The following GABRB3 variants were observed in gnomAD, a reference collection of about 807,000 sequenced individuals.
GABRB3 encodes gamma-aminobutyric acid type A receptor subunit beta3, also known as gamma-aminobutyric acid receptor subunit beta-3.
Under a neutral mutation model 52.1 loss-of-function variants are expected in GABRB3, and 14 were observed. The ratio of observed to expected loss-of-function variants is 0.27; its 90% CI spans 0.18 to 0.42. GABRB3 has a LOEUF of 0.42. GABRB3 is among the 10% of genes least tolerant of loss of function. The probability of loss-of-function intolerance (pLI) is 1.00; values close to 1 mark genes in which losing one functional copy is unlikely to be tolerated. For missense variants in GABRB3, 307 were observed against 609.1 expected, an observed-to-expected ratio of 0.50 and a Z score of 5.22; for synonymous variants, 260 against 232.3, an observed-to-expected ratio of 1.12 and a Z score of -1.08.
chr15:26,739,356 A>G (rs575308539), intron 3 of GABRB3, among the ~76,000 whole-genome samples: 1 of 152,114 alleles, frequency 6.6e-6, no homozygotes, highest in Non-Finnish European at 1.5e-5. Flanking sequence ...AGTAGAAGGA[A>G]TAGTTAACTT....
intron 3 of GABRB3, among the ~76,000 whole-genome samples, chr15:26,757,328 T>C (rs577255825): frequency 2.6e-5 from 4 of 152,260 alleles, no homozygotes; most frequent in Non-Finnish European, 5.9e-5. Context: ...CCCTAGGAGC[T>C]GTAATTATTC....
At chr15:26,613,735 A>T (rs1442462528) in intron 4 of GABRB3, 1 of 152,174 alleles carries the variant, frequency 6.6e-6, no homozygotes, top group Non-Finnish European at 1.5e-5. Flanking sequence ...TGAGTCAATA[A>T]GTAAGAAATG....
intron 3 of GABRB3, among the ~76,000 whole-genome samples, chr15:26,727,727 C>T (rs1473469570): frequency 3.3e-5 from 5 of 152,198 alleles, no homozygotes; most frequent in African/African-American, 1.2e-4. Context: ...CACACAGCCA[C>T]ATCCATTTCT....
chr15:26,609,833 A>G (rs1892001132), intron 4 of GABRB3, among the ~76,000 whole-genome samples: 2 of 152,346 alleles, frequency 1.3e-5, no homozygotes, highest in Non-Finnish European at 2.9e-5. Context: ...CTAGATAAAT[A>G]CGTTAACTCA....
chr15:26,686,429 G>A (rs1841997675), intron 3 of GABRB3, among the ~76,000 whole-genome samples: 1 of 152,274 alleles, frequency 6.6e-6, no homozygotes, highest in South Asian at 2.1e-4. Flanking sequence ...CTCACAAAGT[G>A]ATACTGATAA....
At chr15:26,626,276 C>T (rs1046660023) in intron 3 of GABRB3, among the ~76,000 whole-genome samples, 2 of 152,118 alleles carry the variant, frequency 1.3e-5, no homozygotes, top group Non-Finnish European at 2.9e-5. Flanking sequence ...TACCAACTGA[C>T]CCTTAACCCT....
At chr15:26,739,177 TC>T (rs1011061465) in intron 3 of GABRB3, among the ~76,000 whole-genome samples, 32 of 152,080 alleles carry the variant, frequency 2.1e-4, no homozygotes, top group African/African-American at 7.2e-4. Context: ...CTGTCCAGCC[TC>T]GCCCAGCCCA....
At chr15:26,590,920 T>TG (rs1891178121) in intron 4 of GABRB3, among the ~76,000 whole-genome samples, 1 of 152,214 alleles carries the variant, frequency 6.6e-6, no homozygotes, top group African/African-American at 2.4e-5. Context: ...AGTGACCACG[T>TG]GCCAGCCCCA....
upstream of GABRB3, chr15:26,773,717 G>A: frequency 6.4e-7 from 1 of 1,567,926 alleles, no homozygotes; most frequent in Non-Finnish European, 8.6e-7. Flanking sequence ...CAGGAGCCCG[G>A]AGCACATGGC....
rs1266364638 is a variant in GABRB3, at chr15:26,544,934, C to T, written c.*2859G>A. ...GAGGTCCGGGTTCAGAATTCCTCAA[C>T]GCGACTCAGTCACTGGCTCAAATAA... is the stretch of plus-strand genomic sequence containing the variant. On this transcript the variant is annotated 3_prime_UTR_variant, in exon 9 of 9. Coordinates refer to ENST00000311550, the MANE Select transcript of GABRB3 (RefSeq NM_000814.6). 2 of 152,572 alleles carry T rather than the reference C, an allele frequency of 1.3e-5. No individual in the cohort carries two copies. Among genetic ancestry groups the T allele is most frequent in the Admixed American group, 6.5e-5 (1 of 15,276 alleles). 9.5% of individuals were successfully genotyped at this position (152,572 alleles called of 1,614,324 possible). A position where few individuals can be genotyped will look rare whatever the true frequency, so the allele number is the denominator to read the frequency against.
chr15:26,564,896 G>A (rs1456659726), intron 7 of GABRB3, among the ~76,000 whole-genome samples: 1 of 152,164 alleles, frequency 6.6e-6, no homozygotes, highest in East Asian at 1.9e-4. Flanking sequence ...TGACACTTTA[G>A]GAATTATATG....
At chr15:26,553,767 A>G (rs1889570906) in intron 8 of GABRB3, among the ~76,000 whole-genome samples, 1 of 151,996 alleles carries the variant, frequency 6.6e-6, no homozygotes, top group African/African-American at 2.4e-5. Context: ...TCAGGAGCAC[A>G]AAGTGAACAC....
In GABRB3 at chr15:26,593,302, T is replaced by A. The variant is rs533899385; in HGVS notation, c.462-9888A>T. Among the ~76,000 whole-genome samples, 9 of 152,292 alleles carry A rather than the reference T, an allele frequency of 5.9e-5. No individual in the cohort carries two copies. The South Asian group carries it at 1.0e-3, about 18-fold the overall frequency. ...CTTAAACATGAAACAATCAAAAAAA[T>A]TTTAATTAAAATACAATACACACAA... is the stretch of plus-strand genomic sequence containing the variant. On this transcript the variant is annotated intron_variant, in intron 4 of 8. Coordinates refer to ENST00000311550, the MANE Select transcript of GABRB3 (RefSeq NM_000814.6).
chr15:26,659,986 C>A (rs922822880), intron 3 of GABRB3, among the ~76,000 whole-genome samples: 10 of 152,124 alleles, frequency 6.6e-5, no homozygotes, highest in African/African-American at 2.2e-4. Flanking sequence ...AATCCCAGAA[C>A]TTTGGGAGGC....
intron 3 of GABRB3, among the ~76,000 whole-genome samples, chr15:26,661,357 C>A (rs1298253729): frequency 2.6e-5 from 4 of 152,152 alleles, no homozygotes; most frequent in African/African-American, 9.7e-5. Context: ...GCACACAATT[C>A]TTTGCCTCCC....
chr15:26,765,546 T>A (rs1311491499), intron 3 of GABRB3, among the ~76,000 whole-genome samples: 1 of 152,250 alleles, frequency 6.6e-6, no homozygotes, highest in African/African-American at 2.4e-5. Flanking sequence ...AATTTACATA[T>A]CACTTTCTTC....
intron 3 of GABRB3, among the ~76,000 whole-genome samples, chr15:26,633,233 G>C (rs1055823172): frequency 2.6e-5 from 4 of 152,070 alleles, no homozygotes; most frequent in African/African-American, 9.7e-5. Flanking sequence ...TTTTTCTGCT[G>C]TGAATTACTT....
intron 4 of GABRB3, among the ~76,000 whole-genome samples, chr15:26,610,870 T>G (rs2140517696): frequency 6.6e-6 from 1 of 152,312 alleles, no homozygotes; most frequent in South Asian, 2.1e-4. Flanking sequence ...TTTGTCTGGG[T>G]TTTATATTTG....
At chr15:26,624,410 C>T (rs551328987) in intron 3 of GABRB3, 8 of 985,500 alleles carry the variant, frequency 8.1e-6, no homozygotes, top group East Asian at 1.1e-4. Flanking sequence ...CGATGTCTAG[C>T]GCCCTTCTCA....
Sources: allele counts gnomAD v4.1 joint callset (sites outside exome capture counted in the v4.1 genomes callset), GRCh38; gene constraint gnomAD v4.1.1; transcripts MANE v1.5; gene names NCBI Gene and HGNC (gene_info 2026-07-23, HGNC 2026-07-21).